Variants in TIAM1 observed in about 807,000 individuals in gnomAD.
TIAM1 encodes the protein rho guanine nucleotide exchange factor TIAM1.
A neutral mutation model predicts 163.5 loss-of-function variants in TIAM1; 65 were observed. The observed-to-expected ratio is 0.40, with a 90% CI of 0.33 to 0.49. The LOEUF (loss-of-function observed/expected upper bound fraction) is 0.49, where lower values mean the gene tolerates loss of function less well. TIAM1 is among the 20% of genes least tolerant of loss of function. The pLI is 0.77. For synonymous variants in TIAM1, 833 were observed against 810.1 expected (o/e 1.03, Z -0.48); for missense variants, 1,789 against 2,044.7 (o/e 0.87, Z 2.41).
intron 15 of TIAM1, among the ~76,000 whole-genome samples, chr21:31,176,478 G>A (rs2084770616): frequency 6.6e-6 from 1 of 151,734 alleles, no homozygotes; most frequent in African/African-American, 2.4e-5. Context: ...CAGAACTCAG[G>A]GATGGCAAAC....
intron 16 of TIAM1, among the ~76,000 whole-genome samples, chr21:31,161,871 A>G (rs2083941960): frequency 6.6e-6 from 1 of 152,254 alleles, no homozygotes; most frequent in African/African-American, 2.4e-5. Context: ...TAGGAGACGC[A>G]TCAAAAAATA....
chr21:31,309,264 C>T (rs887752283), intron 2 of TIAM1, among the ~76,000 whole-genome samples: 33 of 152,126 alleles, frequency 2.2e-4, no homozygotes, highest in African/African-American at 6.5e-4. Context: ...CCAAGACCAG[C>T]GTGGCCAACA....
intron 1 of TIAM1, among the ~76,000 whole-genome samples, chr21:31,494,338 T>A (rs1215663497): frequency 6.6e-6 from 1 of 152,130 alleles, no homozygotes; most frequent in African/African-American, 2.4e-5. Flanking sequence ...AGCACACAGA[T>A]GAAGCACCAA....
At chr21:31,305,880 G>A (rs1020953305) in intron 2 of TIAM1, among the ~76,000 whole-genome samples, 1 of 151,974 alleles carries the variant, frequency 6.6e-6, no homozygotes, top group Non-Finnish European at 1.5e-5. Context: ...GTGGTGACTG[G>A]AGCCAGAAGG....
At chr21:31,315,717 C>T (rs191294782) in intron 2 of TIAM1, among the ~76,000 whole-genome samples, 1 of 146,626 alleles carries the variant, frequency 6.8e-6, no homozygotes, top group African/African-American at 2.6e-5. Context: ...CGCAGTGGCT[C>T]ACTACTGTAA....
At chr21:31,505,738 A>AT (rs894993292) in intron 1 of TIAM1, among the ~76,000 whole-genome samples, 7 of 152,086 alleles carry the variant, frequency 4.6e-5, no homozygotes, top group South Asian at 4.2e-4. Context: ...ACGGCATCAG[A>AT]TTTTTTTTGT....
At chr21:31,158,687 T>C (rs1052998924) in intron 16 of TIAM1, among the ~76,000 whole-genome samples, 1 of 151,846 alleles carries the variant, frequency 6.6e-6, no homozygotes. Flanking sequence ...CCCCCCCAAA[T>C]TTTTTTTGGA....
Position 31,252,122 on chromosome 21 carries a change from T to C in TIAM1, c.1031A>G (p.Asp344Gly), listed in dbSNP as rs1601709681. The change falls in exon 5 of 28, where the codon GAC becomes GGC. Residue 344 changes from aspartate to glycine, a missense_variant. Physicochemically the swap from Asp to Gly is moderately conservative, Grantham distance 94 (BLOSUM62 -1). Transcript: ENST00000541036. ...GGCATTAGATCGCCTGGACAGGAGG[T>C]CCGTGTCGGTAGTGGCCCCTTCAAT... ...SGIEGATTDT[D>G]LLSRRSNATN... 5.6e-6 allele frequency: 9 copies of C among 1,612,820 alleles called. No individual in the cohort carries two copies. The highest frequency in any genetic ancestry group is 7.6e-6 in the Non-Finnish European group (9 of 1,180,008).
rs2146526015 is a variant in TIAM1 at position 31,203,069 on chromosome 21, A to G, written c.2389-57T>C. 7.4e-6 allele frequency: 10 copies of G among 1,355,636 alleles called. No homozygotes were observed. In the East Asian group the frequency reaches 2.1e-4, roughly 28 times the overall value. The allele number at this position is 1,355,636 out of a possible 1,614,324, so 84.0% of individuals were successfully genotyped here. ...GTCTGTTCAATAGTAAATAGGCACAATTAGTTCTCCACCAACATACGATGT... is the reference window on the plus strand; with the variant it reads ...GTCTGTTCAATAGTAAATAGGCACAGTTAGTTCTCCACCAACATACGATGT... On this transcript the variant is annotated intron_variant, in intron 11 of 27. Coordinates refer to ENST00000541036, the MANE Select transcript of TIAM1 (RefSeq NM_001353694.2).
chr21:31,401,946 G>A (rs2077172972), intron 2 of TIAM1, among the ~76,000 whole-genome samples: 1 of 151,798 alleles, frequency 6.6e-6, no homozygotes, highest in Non-Finnish European at 1.5e-5. Context: ...CGGGCATGGT[G>A]GCTCACACCT....
chr21:31,243,923 T>TA (rs2071357255), intron 6 of TIAM1, among the ~76,000 whole-genome samples: 1 of 152,168 alleles, frequency 6.6e-6, no homozygotes, highest in Non-Finnish European at 1.5e-5. Context: ...CCCAGATAAA[T>TA]AAAAGTGTCC....
At chr21:31,210,665 GAAA>G (rs377626164) in intron 10 of TIAM1, among the ~76,000 whole-genome samples, 50 of 18,688 alleles carry the variant, frequency 2.7e-3, no homozygotes, top group African/African-American at 0.01. Context: ...AAGAAAGAAA[GAAA>G]AAGAAAGAAA....
At chr21:31,124,335 C>T (rs1270875162) in intron 27 of TIAM1, 187 bp downstream of exon 27, 8 of 665,390 alleles carry the variant, frequency 1.2e-5, no homozygotes, top group Admixed American at 3.8e-5. Context: ...AGATACAGGG[C>T]GGATCCCCAG....
Position 31,120,384 on chromosome 21 carries a change from A to T in TIAM1, c.4760T>A (p.Leu1587Gln). Residue 1587 changes from leucine to glutamine, a missense_variant, in exon 28 of 28, where the codon CTG becomes CAG. This residue lies in a region of TIAM1 where 415 missense variants were observed against 439.2 expected (regional missense o/e 0.94). Coordinates refer to ENST00000541036, the MANE Select transcript of TIAM1 (RefSeq NM_001353694.2). This position sits in a 1 kb window ranked among gnomAD's most constrained non-coding sequence, Gnocchi z 4.2. ...GTGACGCAGTCAGATCTCAGTGTTC[A>T]GTTTCCTGGAGGGGGCAAAGTCTTC... is the stretch of plus-strand genomic sequence containing the variant. ...RREDFAPSRK[L>Q]NTEI is the part of the protein sequence containing the mutation. The T allele has an allele frequency of 6.2e-7, 1 of 1,608,916 alleles. No homozygotes were observed. The highest frequency in any genetic ancestry group is 8.5e-7 in the Non-Finnish European group (1 of 1,176,962).
intron 6 of TIAM1, among the ~76,000 whole-genome samples, chr21:31,227,337 T>G (rs185265344): frequency 3.9e-4 from 60 of 152,288 alleles, no homozygotes; most frequent in African/African-American, 1.4e-3. Context: ...TAAGTCAAGA[T>G]AGTACTTTAT....
At chr21:31,448,352 C>CCCAGTATTT (rs1034653602) in intron 2 of TIAM1, among the ~76,000 whole-genome samples, 10 of 152,116 alleles carry the variant, frequency 6.6e-5, no homozygotes, top group African/African-American at 2.4e-4. Context: ...TGCCTGTAAT[C>CCCAGTATTT]CCAGTATTTT....
chr21:31,499,909 T>C (rs1602427603), intron 1 of TIAM1, among the ~76,000 whole-genome samples: 1 of 148,806 alleles, frequency 6.7e-6, no homozygotes, highest in Non-Finnish European at 1.5e-5. Context: ...GGCTCACGCC[T>C]GTAATCCCAG....
intron 10 of TIAM1, among the ~76,000 whole-genome samples, chr21:31,210,540 A>AAGAAAGAG (rs1361502310): frequency 1.1e-4 from 9 of 79,466 alleles, no homozygotes; most frequent in Non-Finnish European, 2.1e-4. Flanking sequence ...AAGGAAAAGA[A>AAGAAAGAG]AGAAAGAAAG....
intron 1 of TIAM1, among the ~76,000 whole-genome samples, chr21:31,482,634 G>A (rs746671339): frequency 1.9e-4 from 29 of 152,088 alleles, no homozygotes; most frequent in South Asian, 6.2e-4. Context: ...AGGAGAGAGC[G>A]CAGAGTGGGA....
Sources: allele counts gnomAD v4.1 joint callset (sites outside exome capture counted in the v4.1 genomes callset), GRCh38; gene constraint gnomAD v4.1.1; regional missense constraint gnomAD v4.1.1; non-coding constraint Gnocchi (gnomAD v3.1); transcripts MANE v1.5; gene names NCBI Gene and HGNC (gene_info 2026-07-23, HGNC 2026-07-21).